The following CAMKMT variants were observed in gnomAD, a reference collection of about 807,000 sequenced individuals.
The protein encoded by CAMKMT is CaM KMT.
Under a neutral mutation model 48.0 loss-of-function variants are expected in CAMKMT, and 53 were observed. That is an observed-to-expected ratio of 1.10 (90% confidence interval 0.89 to 1.39). CAMKMT has a LOEUF of 1.39. CAMKMT is among the 40% of genes most tolerant of loss of function. The pLI is 0.00. For synonymous variants in CAMKMT, 165 were observed against 152.3 expected, an observed-to-expected ratio of 1.08 and a Z score of -0.61; for missense variants, 428 against 402.7, an observed-to-expected ratio of 1.06 and a Z score of -0.54.
intron 3 of CAMKMT, among the ~76,000 whole-genome samples, chr2:44,449,028 T>C (rs1256761452): frequency 1.3e-5 from 2 of 152,096 alleles, no homozygotes; most frequent in Non-Finnish European, 2.9e-5. Flanking sequence ...GTGATGAAAA[T>C]GTTGAAAAAT....
At chr2:44,399,070 A>G (rs1398419029) in intron 3 of CAMKMT, among the ~76,000 whole-genome samples, 1 of 152,190 alleles carries the variant, frequency 6.6e-6, no homozygotes, top group East Asian at 1.9e-4. Flanking sequence ...TGTTTTGTGT[A>G]ATTATAGATA....
intron 3 of CAMKMT, among the ~76,000 whole-genome samples, chr2:44,682,199 T>C (rs927985487): frequency 3.3e-5 from 5 of 152,336 alleles, no homozygotes; most frequent in African/African-American, 1.2e-4. Context: ...CTGAACTTTT[T>C]CCCCTGAATT....
chr2:44,744,903 T>C (rs1679855296), intron 8 of CAMKMT, among the ~76,000 whole-genome samples: 1 of 152,152 alleles, frequency 6.6e-6, no homozygotes. Context: ...TCAGAAAATC[T>C]TGTTCCAAAA....
chr2:44,482,970 G>T (rs939599404), intron 3 of CAMKMT, among the ~76,000 whole-genome samples: 1 of 152,022 alleles, frequency 6.6e-6, no homozygotes, highest in African/African-American at 2.4e-5. Flanking sequence ...TCTTATAAAG[G>T]CACCATCTGT....
chr2:44,526,316 T>A lies in CAMKMT; in HGVS notation c.376+136011T>A, dbSNP rs116279988. On this transcript the variant is annotated intron_variant, in intron 3 of 10. Coordinates refer to ENST00000378494, the MANE Select transcript of CAMKMT (RefSeq NM_024766.5). ...ACTAGTAATTTCCTATTTTTATACA[T>A]GTAGATATAAAATTTCTATTAGGGT... Among the ~76,000 whole-genome samples, 820 of 152,336 alleles carry A rather than the reference T, an allele frequency of 5.4e-3. 11 individuals carry two copies. Among genetic ancestry groups the A allele is most frequent in the African/African-American group, 0.018 (768 of 41,570 alleles).
intron 3 of CAMKMT, among the ~76,000 whole-genome samples, chr2:44,538,100 T>C (rs1666881473): frequency 6.6e-6 from 1 of 152,044 alleles, no homozygotes; most frequent in South Asian, 2.1e-4. Context: ...CCGGGCGTGG[T>C]CGCTCACACC....
At chr2:44,694,150 A>T (rs549290374) in intron 3 of CAMKMT, among the ~76,000 whole-genome samples, 1 of 152,330 alleles carries the variant, frequency 6.6e-6, no homozygotes, top group Admixed American at 6.5e-5. Context: ...AAAGCTCGCA[A>T]ATGGAACTGA....
At chr2:44,412,990 G>A (rs1487128728) in intron 3 of CAMKMT, among the ~76,000 whole-genome samples, 4 of 151,584 alleles carry the variant, frequency 2.6e-5, no homozygotes, top group Non-Finnish European at 5.9e-5. Context: ...GCAGGAGAAT[G>A]GCTTGAACCC....
intron 3 of CAMKMT, among the ~76,000 whole-genome samples, chr2:44,506,219 A>C (rs17615092): frequency 5.3e-5 from 8 of 152,052 alleles, no homozygotes; most frequent in Non-Finnish European, 8.8e-5. Context: ...AAATGTTCCT[A>C]AGCTAAGTGG....
At chr2:44,722,232 A>G (rs72794027) in intron 7 of CAMKMT, among the ~76,000 whole-genome samples, 1 of 121,470 alleles carries the variant, frequency 8.2e-6, no homozygotes, top group Non-Finnish European at 1.7e-5. Context: ...TTGTGTACAC[A>G]TTTTTGTGAC....
chr2:44,762,331 CA>C (rs1159165204), intron 9 of CAMKMT, among the ~76,000 whole-genome samples: 1 of 152,086 alleles, frequency 6.6e-6, no homozygotes, highest in Non-Finnish European at 1.5e-5. Flanking sequence ...TTATAAATGA[CA>C]ACAAAGAAAT....
intron 3 of CAMKMT, among the ~76,000 whole-genome samples, chr2:44,627,589 T>A (rs2103955724): frequency 6.6e-6 from 1 of 152,128 alleles, no homozygotes; most frequent in Middle Eastern, 3.4e-3. Flanking sequence ...ATTTTTTACT[T>A]CTTCTTGTGT....
chr2:44,580,201 T>C (rs918918745), intron 3 of CAMKMT, among the ~76,000 whole-genome samples: 1 of 150,918 alleles, frequency 6.6e-6, no homozygotes, highest in Non-Finnish European at 1.5e-5. Flanking sequence ...GACTAGTTCT[T>C]CTAAATGCTA....
intron 7 of CAMKMT, among the ~76,000 whole-genome samples, chr2:44,741,341 T>A (rs1679665512): frequency 6.6e-6 from 1 of 152,142 alleles, no homozygotes; most frequent in Non-Finnish European, 1.5e-5. Context: ...TCATCTCTAG[T>A]CTTCCAAGAT....
chr2:44,400,922 A>ATG (rs58801502), intron 3 of CAMKMT: 60 of 129,892 alleles, frequency 4.6e-4, no homozygotes, highest in South Asian at 5.1e-4. Flanking sequence ...ATGTATACTT[A>ATG]TGTGTGTGTA....
In CAMKMT at chr2:44,642,719, T is replaced by C. The variant is rs187590190; in HGVS notation, c.377-61564T>C. Reference sequence around the variant, plus strand: ...GTCTAAACTACTCTGGGGGAGAGAATTGTGAGAGTGGGGAGGGGGTGCCCT... The same window carrying C: ...GTCTAAACTACTCTGGGGGAGAGAACTGTGAGAGTGGGGAGGGGGTGCCCT... On this transcript the variant is annotated intron_variant, in intron 3 of 10. Coordinates refer to ENST00000378494, the MANE Select transcript of CAMKMT (RefSeq NM_024766.5). Among the ~76,000 whole-genome samples the C allele has an allele frequency of 3.0e-3, 453 of 151,972 alleles. 2 individuals carry two copies. The highest frequency in any genetic ancestry group is 0.011 in the African/African-American group (438 of 41,450).
At chr2:44,400,297 A>G (rs1049059169) in intron 3 of CAMKMT, among the ~76,000 whole-genome samples, 27 of 152,192 alleles carry the variant, frequency 1.8e-4, no homozygotes, top group African/African-American at 5.8e-4. Flanking sequence ...TACAACCAGG[A>G]TTTAAAAATC....
chr2:44,575,591 C>T (rs553915711), intron 3 of CAMKMT, among the ~76,000 whole-genome samples: 2 of 152,148 alleles, frequency 1.3e-5, no homozygotes, highest in African/African-American at 4.8e-5. Flanking sequence ...TATTTGTTGC[C>T]AGGTGCATTG....
chr2:44,673,516 A>AGGAAGGAAGGAG (rs1553435798), intron 3 of CAMKMT, among the ~76,000 whole-genome samples: 30 of 105,276 alleles, frequency 2.8e-4, no homozygotes, highest in Admixed American at 5.6e-4. Context: ...GAAGGAAGGA[A>AGGAAGGAAGGAG]GGAAGGAGGG....
Sources: gnomAD v4.1 joint callset for allele counts (sites outside exome capture counted in the v4.1 genomes callset) on GRCh38, gnomAD v4.1.1 for gene constraint, MANE v1.5 for transcripts, NCBI Gene and HGNC (gene_info 2026-07-23, HGNC 2026-07-21) for gene names.